Variants in PDZD9 observed in about 807,000 individuals in gnomAD.
PDZD9 encodes PDZ domain-containing protein 9.
In PDZD9, 13 loss-of-function variants were observed where a neutral mutation model predicts 16.3. The ratio of observed to expected loss-of-function variants is 0.80; its 90% CI spans 0.52 to 1.27. The LOEUF (loss-of-function observed/expected upper bound fraction) is 1.27. Among genes scored for constraint, PDZD9 ranks in the 50% most tolerant of loss-of-function variants. PDZD9 has a pLI of 0.00. For synonymous variants in PDZD9, 120 were observed against 111.0 expected (o/e 1.08, Z -0.51); for missense variants, 288 against 310.9 (o/e 0.93, Z 0.55).
chr16:21,985,073 A>G (rs2141953648), intron 3 of PDZD9, among the ~76,000 whole-genome samples: 1 of 152,292 alleles, frequency 6.6e-6, no homozygotes, highest in East Asian at 1.9e-4. Context: ...AAGTCAGGAA[A>G]TAGTGGGCCT....
chr16:21,971,906 C>A, the PDZD9 span: 3 of 1,613,222 alleles, frequency 1.9e-6, no homozygotes, highest in East Asian at 6.7e-5. Context: ...TTCCCTCTAT[C>A]CTTAATCTGG....
chr16:21,977,026 T>A, the PDZD9 span: 1 of 152,128 alleles, frequency 6.6e-6, no homozygotes, highest in Non-Finnish European at 1.5e-5. Context: ...AACGAAAGAC[T>A]CCATGTTAGA....
intron 2 of PDZD9, among the ~76,000 whole-genome samples, chr16:21,989,476 A>G (rs890067706): frequency 5.3e-5 from 8 of 152,142 alleles, no homozygotes; most frequent in African/African-American, 1.9e-4. Flanking sequence ...AAAAGAAAAA[A>G]CCACTTACAC....
intron 1 of PDZD9, among the ~76,000 whole-genome samples, chr16:21,997,179 A>G (rs569120463): frequency 1.3e-5 from 2 of 152,306 alleles, no homozygotes; most frequent in African/African-American, 4.8e-5. Context: ...ACAGATATCA[A>G]TCAGTCATGT....
chr16:21,990,800 C>G (rs111495909), intron 2 of PDZD9, among the ~76,000 whole-genome samples: 2 of 152,260 alleles, frequency 1.3e-5, no homozygotes, highest in African/African-American at 2.4e-5. Context: ...AGAAAATAAA[C>G]AGCTTAATTT....
chr16:21,959,184 G>A, the PDZD9 span, among the ~76,000 whole-genome samples: 1 of 152,130 alleles, frequency 6.6e-6, no homozygotes, highest in African/African-American at 2.4e-5. Context: ...TGCATTGATT[G>A]ACTCTTCCTT....
At chr16:21,986,596 T>C (rs965319889) in intron 3 of PDZD9, among the ~76,000 whole-genome samples, 5 of 151,978 alleles carry the variant, frequency 3.3e-5, no homozygotes, top group Non-Finnish European at 5.9e-5. Flanking sequence ...AATAAGACTT[T>C]TAAAATTAAA....
intron 1 of PDZD9, among the ~76,000 whole-genome samples, chr16:21,998,574 C>T (rs1195563645): frequency 6.6e-6 from 1 of 151,928 alleles, no homozygotes; most frequent in East Asian, 1.9e-4. Context: ...GGCCTGTAAT[C>T]CCAGCTACTT....
intron 1 of PDZD9, chr16:21,998,327 G>C (rs1238069044): frequency 4.7e-6 from 1 of 214,220 alleles, no homozygotes; most frequent in Non-Finnish European, 9.9e-6. Flanking sequence ...TGTCTCAGGA[G>C]TTTGATCCAG....
the PDZD9 span, among the ~76,000 whole-genome samples, chr16:21,974,607 A>G: frequency 6.6e-6 from 1 of 152,188 alleles, no homozygotes; most frequent in Non-Finnish European, 1.5e-5. Context: ...ATGTGTAGTG[A>G]TTAAGGAATG....
At chr16:21,976,804 A>C in the PDZD9 span, 1 of 152,210 alleles carries the variant, frequency 6.6e-6, no homozygotes, top group African/African-American at 2.4e-5. Context: ...GAAAATTACA[A>C]ATAAAAGACA....
chr16:21,989,904 C>T (rs556566394), intron 2 of PDZD9, among the ~76,000 whole-genome samples: 3 of 152,290 alleles, frequency 2.0e-5, no homozygotes, highest in East Asian at 3.9e-4. Flanking sequence ...CCACCTCCAG[C>T]AGCTAGGTCA....
chr16:21,983,705 C>T (rs1050658299), downstream of PDZD9: 1 of 154,300 alleles, frequency 6.5e-6, no homozygotes, highest in African/African-American at 2.4e-5. Flanking sequence ...GATTTATCTT[C>T]ATTGACAGAG....
At chr16:22,000,004 G>A (rs910786766) in intron 1 of PDZD9, among the ~76,000 whole-genome samples, 1 of 151,912 alleles carries the variant, frequency 6.6e-6, no homozygotes, top group Non-Finnish European at 1.5e-5. Context: ...TCATGCCGCT[G>A]CACTCTAGCC....
chr16:21,994,987 C>T (rs968068524), intron 2 of PDZD9, among the ~76,000 whole-genome samples: 7 of 151,904 alleles, frequency 4.6e-5, no homozygotes, highest in Non-Finnish European at 1.0e-4. Flanking sequence ...CGCACCATGC[C>T]GGGCTGCTTT....
At chr16:21,987,218 G>T (rs555377827) in intron 3 of PDZD9, among the ~76,000 whole-genome samples, 1 of 152,092 alleles carries the variant, frequency 6.6e-6, no homozygotes, top group Non-Finnish European at 1.5e-5. Flanking sequence ...TCAGGAGTTC[G>T]AAACCAGCCT....
chr16:21,984,483 G>C lies in PDZD9; in HGVS notation c.579C>G (p.Asn193Lys). ...SRDWHGYKKKNHTISVGKDIN... is the reference protein window; with the variant it reads ...SRDWHGYKKKKHTISVGKDIN... ...TGTCTTTTCCTACACTAATAGTATG[G>C]TTCTTCTTCTTATATCCATGCCAGT... The change falls in exon 4 of 4, where the codon AAC becomes AAG. Residue 193 changes from asparagine (N) to lysine (K), a missense_variant. Coordinates refer to ENST00000424898, the MANE Select transcript of PDZD9 (RefSeq NM_001363519.1). 6.2e-7 allele frequency: 1 copy of C among 1,611,608 alleles called. No homozygotes were observed. Among genetic ancestry groups the C allele is most frequent in the Non-Finnish European group, 8.5e-7 (1 of 1,177,888 alleles).
At chr16:21,963,393 AT>A in the PDZD9 span, among the ~76,000 whole-genome samples, 1 of 152,174 alleles carries the variant, frequency 6.6e-6, no homozygotes, top group South Asian at 2.1e-4. Context: ...ATCATTTTTC[AT>A]GTTTGATGGT....
the PDZD9 span, chr16:21,971,538 T>A: frequency 4.3e-6 from 7 of 1,614,038 alleles, no homozygotes; most frequent in Non-Finnish European, 5.9e-6. Context: ...TGAGTCATCC[T>A]GTTCTAAAGC....
Sources: allele counts gnomAD v4.1 joint callset (sites outside exome capture counted in the v4.1 genomes callset), GRCh38; gene constraint gnomAD v4.1.1; transcripts MANE v1.5; gene names NCBI Gene and HGNC (gene_info 2026-07-23, HGNC 2026-07-21).